Variants in XYLT1 observed in about 807,000 individuals in gnomAD.
XYLT1 encodes the protein beta-D-xylosyltransferase 1.
In XYLT1, 36 loss-of-function variants were observed where a neutral mutation model predicts 91.3. The observed-to-expected ratio is 0.39, with a 90% confidence interval of 0.30 to 0.52. The LOEUF is 0.52. XYLT1 is among the 20% of genes least tolerant of loss of function. The pLI, the probability that XYLT1 is intolerant of heterozygous loss-of-function variation, is 0.68. For missense variants in XYLT1, 1,242 were observed against 1,284.5 expected (o/e 0.97, Z 0.51); for synonymous variants, 588 against 532.0 (o/e 1.11, Z -1.45).
At chr16:17,262,668 G>A (rs976552626) in intron 2 of XYLT1, among the ~76,000 whole-genome samples, 4 of 152,142 alleles carry the variant, frequency 2.6e-5, no homozygotes, top group African/African-American at 9.7e-5. Context: ...GCAGTGACTG[G>A]AACCCATAAG....
intron 1 of XYLT1, among the ~76,000 whole-genome samples, chr16:17,388,769 G>A (rs1453268907): frequency 6.6e-6 from 1 of 152,178 alleles, no homozygotes; most frequent in African/African-American, 2.4e-5. Context: ...GGGAAGAAAG[G>A]ATGGTATGAT....
chr16:17,381,547 A>G (rs544501441), intron 1 of XYLT1, among the ~76,000 whole-genome samples: 37 of 149,656 alleles, frequency 2.5e-4, no homozygotes, highest in African/African-American at 9.2e-4. Flanking sequence ...CTCCTGCCTC[A>G]GCCTCCTGAG....
chr16:17,200,386 G>A (rs2141589238), intron 4 of XYLT1, 96 bp downstream of exon 4: 2 of 1,472,872 alleles, frequency 1.4e-6, no homozygotes, highest in Admixed American at 1.9e-5. Context: ...TCTGAAAGCA[G>A]GCAGTCTGGA....
chr16:17,235,706 C>T (rs907456750), intron 3 of XYLT1, among the ~76,000 whole-genome samples: 3 of 152,176 alleles, frequency 2.0e-5, no homozygotes, highest in Non-Finnish European at 2.9e-5. Context: ...GCTTAAAAAA[C>T]GTTTGCCTAG....
chr16:17,261,685 ATTGTG>A (rs2033724635), intron 2 of XYLT1, among the ~76,000 whole-genome samples: 1 of 152,144 alleles, frequency 6.6e-6, no homozygotes, highest in African/African-American at 2.4e-5. Flanking sequence ...CTAGTGGCCT[ATTGTG>A]TTGCAGGAAG....
At chr16:17,128,382 C>T (rs915077738) in intron 9 of XYLT1, among the ~76,000 whole-genome samples, 3 of 149,606 alleles carry the variant, frequency 2.0e-5, no homozygotes, top group Non-Finnish European at 4.5e-5. Context: ...TGTTGATGCT[C>T]GGTGTGTTTC....
At chr16:17,187,350 C>T (rs922304856) in intron 5 of XYLT1, among the ~76,000 whole-genome samples, 5 of 145,968 alleles carry the variant, frequency 3.4e-5, no homozygotes, top group African/African-American at 2.5e-5. Context: ...GCCGAGATCA[C>T]GCCATTGCAC....
intron 1 of XYLT1, among the ~76,000 whole-genome samples, chr16:17,434,685 C>A (rs551430959): frequency 4.9e-4 from 74 of 152,180 alleles, no homozygotes; most frequent in African/African-American, 1.7e-3. Flanking sequence ...AGCAAGACCC[C>A]ATTTCTACAA....
At chr16:17,236,465 G>C (rs1329124688) in intron 3 of XYLT1, among the ~76,000 whole-genome samples, 1 of 152,002 alleles carries the variant, frequency 6.6e-6, no homozygotes, top group Non-Finnish European at 1.5e-5. Context: ...TTGGTTGAGG[G>C]GACAGTGTGG....
chr16:17,341,027 G>A (rs1049865578), intron 2 of XYLT1, among the ~76,000 whole-genome samples: 3 of 152,154 alleles, frequency 2.0e-5, no homozygotes, highest in African/African-American at 7.2e-5. Context: ...CTTTGAAAGA[G>A]GAAACAGGAA....
At chr16:17,220,512 C>T (rs145732358) in intron 3 of XYLT1, among the ~76,000 whole-genome samples, 243 of 152,200 alleles carry the variant, frequency 1.6e-3, no homozygotes, top group African/African-American at 5.7e-3. Flanking sequence ...CCACTCTGTC[C>T]CCCAGGCTGG....
At chr16:17,404,209 C>T (rs960845672) in intron 1 of XYLT1, among the ~76,000 whole-genome samples, 1 of 152,178 alleles carries the variant, frequency 6.6e-6, no homozygotes, top group African/African-American at 2.4e-5. Context: ...ACACAGCGAG[C>T]TGAGCAGCCC....
chr16:17,328,724 G>A (rs149347155), intron 2 of XYLT1, among the ~76,000 whole-genome samples: 1 of 152,238 alleles, frequency 6.6e-6, no homozygotes. Context: ...AACCATCAGT[G>A]CTTTTAGCAG....
intron 1 of XYLT1, among the ~76,000 whole-genome samples, chr16:17,440,061 T>C (rs1367972053): frequency 6.6e-6 from 1 of 152,226 alleles, no homozygotes; most frequent in Non-Finnish European, 1.5e-5. Flanking sequence ...CCAACTGTCA[T>C]GTTGTGAGCT....
At chr16:17,116,008 C>T (rs1010701897) in intron 11 of XYLT1, among the ~76,000 whole-genome samples, 2 of 145,214 alleles carry the variant, frequency 1.4e-5, no homozygotes, top group South Asian at 4.3e-4. Context: ...AGCAATCTTA[C>T]AGTACACAAT....
In XYLT1 at chr16:17,200,554, G is replaced by A. The variant is rs1440784894; in HGVS notation, c.1014C>T (p.Ala338=). ...IAFVLVVHGR[A]SRQLQRMFKA... is the part of the protein sequence containing the mutation. ...TGAACATGCGCTGCAACTGCCGAGA[G>A]GCACGGCCGTGGACCACCAGGACAA... The change falls in exon 4 of 12, where the codon GCC becomes GCT. Residue 338 remains alanine, a synonymous_variant. Transcript: ENST00000261381. 1.9e-6 allele frequency: 3 copies of A among 1,614,110 alleles called. No homozygotes were observed. The highest frequency in any genetic ancestry group is 2.7e-5 in the African/African-American group (2 of 74,930).
Position 17,470,707 on chromosome 16 carries a change from C to T in XYLT1, c.90G>A (p.Leu30=). The change falls in exon 1 of 12, where the codon CTG becomes CTA. Residue 30 remains leucine, a synonymous_variant. Coordinates refer to ENST00000261381, the MANE Select transcript of XYLT1 (RefSeq NM_022166.4). ...AALTVLLLQT[L]VVWNFSSLDS... ...CGAGGCTGCTGAAATTCCACACGAC[C>T]AGCGTCTGCAGCAGCAGCACCGTGA... 8.6e-7 allele frequency: 1 copy of T among 1,165,980 alleles called. No homozygotes were observed. The highest frequency in any genetic ancestry group is 1.1e-6 in the Non-Finnish European group (1 of 926,746). 72.2% of individuals were successfully genotyped at this position (1,165,980 alleles called of 1,614,324 possible).
At chr16:17,327,427 A>C (rs2034824359) in intron 2 of XYLT1, among the ~76,000 whole-genome samples, 1 of 136,814 alleles carries the variant, frequency 7.3e-6, no homozygotes, top group African/African-American at 2.8e-5. Context: ...CAGTGGCGCC[A>C]TCTTGGCTCA....
chr16:17,116,000 C>T (rs200453083), intron 11 of XYLT1, among the ~76,000 whole-genome samples: 2 of 39,226 alleles, frequency 5.1e-5, no homozygotes, highest in Non-Finnish European at 1.3e-4. Context: ...AAAAAAAAAG[C>T]AATCTTACAG....
Sources: allele counts gnomAD v4.1 joint callset (sites outside exome capture counted in the v4.1 genomes callset), GRCh38; gene constraint gnomAD v4.1.1; transcripts MANE v1.5; gene names NCBI Gene and HGNC (gene_info 2026-07-23, HGNC 2026-07-21).